GKAP1: variants seen among roughly 807,000 people sequenced by gnomAD.
GKAP1 encodes G kinase-anchoring protein 1.
GKAP1 carries 31 observed loss-of-function variants against 56.7 expected under a neutral mutation model. The ratio of observed to expected loss-of-function variants is 0.55; its 90% CI spans 0.41 to 0.74. GKAP1 has a LOEUF of 0.74. Ranked by LOEUF, GKAP1 falls within the 30% of genes least tolerant of loss-of-function variation. GKAP1 has a pLI of 0.00. For synonymous variants in GKAP1, 151 were observed against 138.6 expected, an observed-to-expected ratio of 1.09 and a Z score of -0.63; for missense variants, 364 against 402.3, an observed-to-expected ratio of 0.90 and a Z score of 0.82.
chr9:83,762,299 T>G (rs1406047235), intron 8 of GKAP1, among the ~76,000 whole-genome samples: 2 of 151,982 alleles, frequency 1.3e-5, no homozygotes, highest in Non-Finnish European at 2.9e-5. Flanking sequence ...TAATCCCATT[T>G]ACTCCCATTT....
chr9:83,769,299 TCA>T (rs889259871), intron 7 of GKAP1, among the ~76,000 whole-genome samples: 2 of 152,174 alleles, frequency 1.3e-5, no homozygotes, highest in Non-Finnish European at 1.5e-5. Context: ...TTTAATATAT[TCA>T]CAGAGTTGTA....
At chr9:83,791,358 A>G (rs1317544863) in intron 4 of GKAP1, among the ~76,000 whole-genome samples, 2 of 151,680 alleles carry the variant, frequency 1.3e-5, no homozygotes, top group East Asian at 1.9e-4. Context: ...AGCCGACATC[A>G]CGCCACTGCA....
At chr9:83,781,212 A>G (rs1195752137) in intron 6 of GKAP1, among the ~76,000 whole-genome samples, 1 of 152,150 alleles carries the variant, frequency 6.6e-6, no homozygotes, top group Non-Finnish European at 1.5e-5. Flanking sequence ...AAAATAAAAA[A>G]ACTAGCCAGG....
intron 4 of GKAP1, among the ~76,000 whole-genome samples, chr9:83,793,430 C>T (rs1359287980): frequency 6.6e-6 from 1 of 152,150 alleles, no homozygotes; most frequent in Non-Finnish European, 1.5e-5. Context: ...TTACAGTAGT[C>T]TTATTGAACA....
chr9:83,756,892 T>A (rs1411662237), intron 8 of GKAP1, among the ~76,000 whole-genome samples: 1 of 152,214 alleles, frequency 6.6e-6, no homozygotes, highest in Non-Finnish European at 1.5e-5. Context: ...TAAAACAAAG[T>A]CATATTGTTT....
chr9:83,786,271 G>A (rs1354135705), intron 5 of GKAP1, among the ~76,000 whole-genome samples: 11 of 152,282 alleles, frequency 7.2e-5, no homozygotes, highest in African/African-American at 1.9e-4. Flanking sequence ...AGCCAGGCGC[G>A]GTGGCTCACG....
At chr9:83,791,589 C>A (rs989449917) in intron 4 of GKAP1, among the ~76,000 whole-genome samples, 40 of 152,256 alleles carry the variant, frequency 2.6e-4, no homozygotes, top group East Asian at 3.9e-4. Context: ...TAGAACAAAT[C>A]TTCCAAAAAT....
rs149747029 is a variant in GKAP1, at chr9:83,752,783, A to G, written c.840+475T>C. Reference sequence around the variant, plus strand: ...CAATAAAGTGGATTTTTAAAAAACAAAATACAACCAGGCACGGTGGCTCAT... The same window carrying G: ...CAATAAAGTGGATTTTTAAAAAACAGAATACAACCAGGCACGGTGGCTCAT... On this transcript the variant is annotated intron_variant, in intron 9 of 12. Transcript: ENST00000376371. Among the ~76,000 whole-genome samples, 101 of 152,258 alleles carry G rather than the reference A, an allele frequency of 6.6e-4. 1 individual carries two copies. Among genetic ancestry groups the G allele is most frequent in the Non-Finnish European group, 1.1e-3 (75 of 68,006 alleles).
chr9:83,742,792 T>TG (rs1943230667), intron 10 of GKAP1, among the ~76,000 whole-genome samples, 192 bp from the exon 11 acceptor site: 1 of 152,220 alleles, frequency 6.6e-6, no homozygotes. Flanking sequence ...TGTTTTACAT[T>TG]TTCACCAGTA....
intron 5 of GKAP1, among the ~76,000 whole-genome samples, chr9:83,785,230 C>A (rs1481480537): frequency 6.6e-6 from 1 of 152,052 alleles, no homozygotes; most frequent in Non-Finnish European, 1.5e-5. Context: ...TTATTTTTTT[C>A]AAGCATCTCT....
At chr9:83,813,423 A>G (rs1360206568) in intron 2 of GKAP1, among the ~76,000 whole-genome samples, 5 of 152,162 alleles carry the variant, frequency 3.3e-5, no homozygotes, top group Non-Finnish European at 5.9e-5. Flanking sequence ...TATTTTATTT[A>G]TATTTTTCCC....
intron 4 of GKAP1, among the ~76,000 whole-genome samples, chr9:83,796,350 T>C (rs955260023): frequency 6.6e-6 from 1 of 152,194 alleles, no homozygotes; most frequent in Non-Finnish European, 1.5e-5. Flanking sequence ...CAGCAAAACT[T>C]ATCTCAAATT....
At chr9:83,806,085 C>T (rs1318407937) in intron 3 of GKAP1, among the ~76,000 whole-genome samples, 1 of 151,816 alleles carries the variant, frequency 6.6e-6, no homozygotes, top group African/African-American at 2.4e-5. Flanking sequence ...CCACTGCACT[C>T]CAGCCTAGGT....
At chr9:83,770,030 C>G (rs1245995413) in intron 7 of GKAP1, among the ~76,000 whole-genome samples, 1 of 152,156 alleles carries the variant, frequency 6.6e-6, no homozygotes, top group Non-Finnish European at 1.5e-5. Flanking sequence ...TTCTCAGATC[C>G]TTTGCCCATT....
intron 7 of GKAP1, among the ~76,000 whole-genome samples, chr9:83,779,620 C>CAT (rs1209540143): frequency 6.8e-6 from 1 of 146,216 alleles, no homozygotes; most frequent in African/African-American, 2.6e-5. Context: ...TATACACACA[C>CAT]ACACACACAC....
chr9:83,777,001 C>G (rs1476511453), intron 7 of GKAP1, among the ~76,000 whole-genome samples: 3 of 152,168 alleles, frequency 2.0e-5, no homozygotes, highest in Non-Finnish European at 4.4e-5. Flanking sequence ...TTCCCTGGTT[C>G]CTTTCTTCAC....
chr9:83,811,668 G>C (rs1944507298), intron 2 of GKAP1, among the ~76,000 whole-genome samples: 2 of 152,138 alleles, frequency 1.3e-5, no homozygotes, highest in African/African-American at 4.8e-5. Context: ...CTTCTGAAAA[G>C]CTAAAATGGA....
chr9:83,755,513 G>T (rs925165709), intron 8 of GKAP1, among the ~76,000 whole-genome samples: 11 of 151,652 alleles, frequency 7.3e-5, no homozygotes, highest in African/African-American at 2.7e-4. Flanking sequence ...TTTTACTTTT[G>T]AATAAAAATA....
At chr9:83,789,335 C>T (rs1406188909) in intron 4 of GKAP1, among the ~76,000 whole-genome samples, 1 of 152,198 alleles carries the variant, frequency 6.6e-6, no homozygotes. Flanking sequence ...CAATTAATCT[C>T]TACAAGACTT....
Sources: allele counts gnomAD v4.1 joint callset (sites outside exome capture counted in the v4.1 genomes callset), GRCh38; gene constraint gnomAD v4.1.1; transcripts MANE v1.5; gene names NCBI Gene and HGNC (gene_info 2026-07-23, HGNC 2026-07-21).